Variants in ULK1 observed in about 807,000 individuals in gnomAD.
The protein encoded by ULK1 is unc-51 like autophagy activating kinase 1.
A neutral mutation model predicts 117.5 loss-of-function variants in ULK1; 48 were observed. The observed-to-expected ratio is 0.41, with a 90% confidence interval of 0.32 to 0.52. The LOEUF (loss-of-function observed/expected upper bound fraction) is 0.52. Among genes scored for constraint, ULK1 ranks in the 20% least tolerant of loss-of-function variants. ULK1 has a pLI of 0.29. For synonymous variants in ULK1, 790 were observed against 637.8 expected (o/e 1.24, Z -3.60); for missense variants, 1,387 against 1,473.4 (o/e 0.94, Z 0.96).
In ULK1 at chr12:131,915,234, G is replaced by A. The variant is rs368607401; in HGVS notation, c.1522+3G>A. The A allele has an allele frequency of 3.0e-5, 48 of 1,602,424 alleles. No homozygotes were observed. The highest frequency in any genetic ancestry group is 3.8e-5 in the Non-Finnish European group (45 of 1,174,766). Reference sequence around the variant, plus strand: ...GCCCTACACGCCATCTCCTCAAGGTGCGCCTGCAGGCTGGGGCCTGGGAAG... The same window carrying A: ...GCCCTACACGCCATCTCCTCAAGGTACGCCTGCAGGCTGGGGCCTGGGAAG... On this transcript the variant is annotated splice_donor_region_variant and intron_variant, in intron 17 of 27. Coordinates refer to ENST00000321867, the MANE Select transcript of ULK1 (RefSeq NM_003565.4).
At chr12:131,901,600 C>T (rs1318397812) in intron 3 of ULK1, among the ~76,000 whole-genome samples, 1 of 152,224 alleles carries the variant, frequency 6.6e-6, no homozygotes, top group African/African-American at 2.4e-5. Context: ...CCCTTTGCCA[C>T]ATGCTGACTT....
At chr12:131,912,230 C>T (rs991954336) in intron 13 of ULK1, 141 bp downstream of exon 13, 1 of 1,340,916 alleles carries the variant, frequency 7.5e-7, no homozygotes, top group Non-Finnish European at 9.9e-7. Flanking sequence ...GGCATCGGCC[C>T]AGCTTGGTTG....
chr12:131,917,618 G>A (rs1036081638), intron 22 of ULK1, 64 bp downstream of exon 22: 9 of 1,308,770 alleles, frequency 6.9e-6, no homozygotes, highest in African/African-American at 1.5e-5. Context: ...TAGCGGACGG[G>A]GGCATCCTTT....
Position 131,894,996 on chromosome 12 carries a change from T to G in ULK1, c.-6T>G. 6 of 1,237,424 alleles carry G rather than the reference T, an allele frequency of 4.8e-6. No homozygotes were observed. The highest frequency in any genetic ancestry group is 9.3e-5 in the East Asian group (2 of 21,400). The allele number at this position is 1,237,424 out of a possible 1,614,324, so 76.7% of individuals were successfully genotyped here. A position where few individuals can be genotyped will look rare whatever the true frequency, so the allele number is the denominator to read the frequency against. ...CCCCGCCCCGCGCCCCCGGCCCGCC[T>G]GCGCCATGGAGCCCGGCCGCGGCGG... is the stretch of plus-strand genomic sequence containing the variant. On this transcript the variant is annotated 5_prime_UTR_variant, in exon 1 of 28. Transcript: ENST00000321867.
intron 26 of ULK1, 26 bp from the exon 27 acceptor site, chr12:131,921,074 T>C (rs1196302884): frequency 6.4e-7 from 1 of 1,564,832 alleles, no homozygotes; most frequent in African/African-American, 1.3e-5. Context: ...GAGCTGGCCC[T>C]GTCCAGCCTC....
intron 14 of ULK1, 23 bp downstream of exon 14, chr12:131,913,281 T>C: frequency 6.5e-7 from 1 of 1,531,634 alleles, no homozygotes; most frequent in Non-Finnish European, 8.8e-7. Flanking sequence ...CCCTTACCTC[T>C]GTATTTTAGG....
intron 3 of ULK1, among the ~76,000 whole-genome samples, chr12:131,898,749 G>A (rs1201365054): frequency 1.3e-5 from 2 of 151,998 alleles, no homozygotes; most frequent in African/African-American, 2.4e-5. Flanking sequence ...CACCCACCTC[G>A]GCCTCCCAAA....
chr12:131,909,291 C>G, intron 8 of ULK1, 54 bp downstream of exon 8: 7 of 1,499,462 alleles, frequency 4.7e-6, no homozygotes, highest in Non-Finnish European at 6.3e-6. Context: ...AAGTGTCCGC[C>G]AGCTGCGGTC....
rs1890145930 is a variant in ULK1, at chr12:131,921,399, C to T, written c.*38C>T. 2 of 1,599,778 alleles carry T rather than the reference C, an allele frequency of 1.3e-6. No homozygotes were observed. Among genetic ancestry groups the T allele is most frequent in the East Asian group, 4.5e-5 (2 of 44,874 alleles). On this transcript the variant is annotated 3_prime_UTR_variant, in exon 28 of 28. Coordinates refer to ENST00000321867, the MANE Select transcript of ULK1 (RefSeq NM_003565.4). The stretch of plus-strand genomic sequence containing the variant: ...GGCTGGGCCCCCCGTCCTGCCGAGC[C>T]CTGCAGAGTGGGCTCTGTGTGCTGG...
intron 7 of ULK1, 66 bp downstream of exon 7, chr12:131,909,037 G>A: frequency 6.2e-7 from 1 of 1,611,098 alleles, no homozygotes; most frequent in Non-Finnish European, 8.5e-7. Flanking sequence ...TGGTTGGCTG[G>A]CGTGTGGTGC....
At chr12:131,914,845 C>T (rs1255010521) in intron 16 of ULK1, among the ~76,000 whole-genome samples, 3 of 152,078 alleles carry the variant, frequency 2.0e-5, no homozygotes, top group East Asian at 3.9e-4. Flanking sequence ...GTTGGCACCC[C>T]GGGCAGGAAA....
In ULK1 at chr12:131,921,879, C is replaced by T. The variant is rs1000378314; in HGVS notation, c.*518C>T. The T allele has an allele frequency of 2.0e-5, 9 of 458,480 alleles. No homozygotes were observed. Among genetic ancestry groups the T allele is most frequent in the African/African-American group, 1.6e-4 (8 of 50,178 alleles). 28.4% of individuals were successfully genotyped at this position (458,480 alleles called of 1,614,324 possible). On this transcript the variant is annotated 3_prime_UTR_variant, in exon 28 of 28. Transcript: ENST00000321867. ...GACAGAACCTGGACCTCACCAGGGA[C>T]TGCTGGGCAGCGATTCCTGGCAGTG...
chr12:131,922,296 C>T lies in ULK1; in HGVS notation c.*935C>T, dbSNP rs1296343747. On this transcript the variant is annotated 3_prime_UTR_variant, in exon 28 of 28. Transcript: ENST00000321867. ...CGGGCGGGTGAGGCTGCTTTGCACACCTGTGTTGGTGGCTGTCCCCTGCCG... is the reference window on the plus strand; with the variant it reads ...CGGGCGGGTGAGGCTGCTTTGCACATCTGTGTTGGTGGCTGTCCCCTGCCG... 8.8e-6 allele frequency: 3 copies of T among 341,648 alleles called. No homozygotes were observed. Among genetic ancestry groups the T allele is most frequent in the South Asian group, 6.6e-5 (3 of 45,334 alleles). 21.2% of individuals were successfully genotyped at this position (341,648 alleles called of 1,614,324 possible). A position where few individuals can be genotyped will look rare whatever the true frequency, so the allele number is the denominator to read the frequency against.
chr12:131,906,052 AG>A (rs1440551501), intron 3 of ULK1, among the ~76,000 whole-genome samples: 2 of 151,454 alleles, frequency 1.3e-5, no homozygotes, highest in African/African-American at 4.8e-5. Flanking sequence ...TGGAGGCCGC[AG>A]GCCTCTGCGT....
intron 3 of ULK1, among the ~76,000 whole-genome samples, chr12:131,899,769 C>T (rs2136379143): frequency 6.6e-6 from 1 of 152,348 alleles, no homozygotes; most frequent in East Asian, 1.9e-4. Context: ...CTAGCTCCAA[C>T]ATTTACCTGT....
chr12:131,917,042 A>G lies in ULK1; in HGVS notation c.2162A>G (p.Gln721Arg), dbSNP rs747663513. 2 of 1,320,366 alleles carry G rather than the reference A, an allele frequency of 1.5e-6. No individual in the cohort carries two copies. The highest frequency in any genetic ancestry group is 1.2e-5 in the South Asian group (1 of 82,310). 81.8% of individuals were successfully genotyped at this position (1,320,366 alleles called of 1,614,324 possible). A position where few individuals can be genotyped will look rare whatever the true frequency, so the allele number is the denominator to read the frequency against. The change falls in exon 21 of 28, where the codon CAG becomes CGG. Residue 721 changes from glutamine to arginine, a missense_variant. Coordinates refer to ENST00000321867, the MANE Select transcript of ULK1 (RefSeq NM_003565.4). ...APDPGSTESLQEKPMEIAPSA... is the reference protein window; with the variant it reads ...APDPGSTESLREKPMEIAPSA... The stretch of plus-strand genomic sequence containing the variant: ...GACCCGGGCAGCACGGAGAGCCTGC[A>G]GGAGAAGCCCATGGAGATCGGTGTG...
intron 21 of ULK1, 40 bp downstream of exon 21, chr12:131,917,102 G>GGGAGC: frequency 8.4e-6 from 5 of 594,222 alleles, no homozygotes; most frequent in Middle Eastern, 4.6e-4. Flanking sequence ...TGGGATGGGG[G>GGGAGC]TCGGAGGCTG....
intron 20 of ULK1, 121 bp from the exon 21 acceptor site, chr12:131,916,832 G>T: frequency 9.7e-7 from 1 of 1,028,794 alleles, no homozygotes. Context: ...AGGAGCGCCT[G>T]CCTCTCGAGG....
intron 5 of ULK1, 108 bp from the exon 6 acceptor site, chr12:131,908,536 C>A: frequency 1.5e-6 from 2 of 1,330,558 alleles, no homozygotes; most frequent in Non-Finnish European, 2.0e-6. Context: ...CGGCCTGCGG[C>A]CCTGCCTGGC....
Sources: gnomAD v4.1 joint callset for allele counts (sites outside exome capture counted in the v4.1 genomes callset) on GRCh38, gnomAD v4.1.1 for gene constraint, MANE v1.5 for transcripts, NCBI Gene and HGNC (gene_info 2026-07-23, HGNC 2026-07-21) for gene names.